MAD1L1: variants seen among roughly 807,000 people sequenced by gnomAD.
The protein encoded by MAD1L1 is mitotic spindle assembly checkpoint protein MAD1.
Under a neutral mutation model 96.9 loss-of-function variants are expected in MAD1L1, and 95 were observed. The ratio of observed to expected loss-of-function variants is 0.98; its 90% CI spans 0.83 to 1.16. The LOEUF is 1.16. Ranked by LOEUF, MAD1L1 falls within the 50% of genes most tolerant of loss-of-function variation. The pLI is 0.00. For missense variants in MAD1L1, 1,007 were observed against 954.4 expected, an observed-to-expected ratio of 1.06 and a Z score of -0.73; for synonymous variants, 473 against 396.6, an observed-to-expected ratio of 1.19 and a Z score of -2.29.
intron 17 of MAD1L1, among the ~76,000 whole-genome samples, chr7:1,930,599 T>C (rs12538635): frequency 0.99 from 124,086 of 125,396 alleles, 61,413 homozygotes; most frequent in Middle Eastern, 1. Flanking sequence ...CCCACCCCAC[T>C]GCCACGTGTC....
intron 12 of MAD1L1, among the ~76,000 whole-genome samples, chr7:2,041,265 C>CA (rs1460805327): frequency 2.6e-5 from 4 of 152,194 alleles, no homozygotes; most frequent in African/African-American, 9.7e-5. Flanking sequence ...CCCTTGGAGA[C>CA]ACACATGCCC....
chr7:2,078,416 C>T (rs978513573), intron 11 of MAD1L1, among the ~76,000 whole-genome samples: 15 of 152,198 alleles, frequency 9.9e-5, no homozygotes, highest in Non-Finnish European at 2.2e-4. Flanking sequence ...TCGTGAAGCA[C>T]GAGAGCATCA....
intron 17 of MAD1L1, among the ~76,000 whole-genome samples, chr7:1,934,071 C>A (rs974714011): frequency 2.0e-5 from 3 of 152,258 alleles, no homozygotes; most frequent in Non-Finnish European, 2.9e-5. Flanking sequence ...ACAGAGGCCA[C>A]CAACACTGTG....
intron 16 of MAD1L1, among the ~76,000 whole-genome samples, chr7:1,938,773 C>T (rs142435069): frequency 3.5e-5 from 5 of 140,920 alleles, no homozygotes; most frequent in East Asian, 2.2e-4. Context: ...CACACACGCA[C>T]GCACACAGAG....
chr7:2,176,216 C>T (rs1790940072), intron 10 of MAD1L1, among the ~76,000 whole-genome samples: 1 of 152,128 alleles, frequency 6.6e-6, no homozygotes, highest in African/African-American at 2.4e-5. Context: ...GGCATGGTGG[C>T]ACATGCCTGT....
At chr7:2,031,350 G>T (rs1237502379) in intron 12 of MAD1L1, among the ~76,000 whole-genome samples, 2 of 152,346 alleles carry the variant, frequency 1.3e-5, no homozygotes, top group South Asian at 4.1e-4. Flanking sequence ...TAGCTGTGGG[G>T]GAGGGGGAAA....
At position 2,213,525 on chromosome 7, in the gene MAD1L1, A is replaced by T. The variant is rs571471420; in HGVS notation, c.925-252T>A. Among the ~76,000 whole-genome samples, 245 of 152,302 alleles carry T rather than the reference A, an allele frequency of 1.6e-3. 2 individuals are homozygous for T. Among genetic ancestry groups the T allele is most frequent in the Non-Finnish European group, 2.6e-3 (174 of 68,030 alleles). On this transcript the variant is annotated intron_variant, in intron 9 of 18. Coordinates refer to ENST00000265854, the MANE Select transcript of MAD1L1 (RefSeq NM_001013836.2). ...GTAAATTCAAGTGTGAATCCCAGCA[A>T]GCTAAAAGCAACGTGTGGCTGTGGA...
chr7:1,850,538 T>C (rs1180500968), intron 18 of MAD1L1, among the ~76,000 whole-genome samples: 4 of 152,144 alleles, frequency 2.6e-5, no homozygotes, highest in Non-Finnish European at 5.9e-5. Context: ...GGGCAGATGA[T>C]CTCACTGCCC....
chr7:1,995,704 C>G (rs1879846), intron 14 of MAD1L1, among the ~76,000 whole-genome samples: 149,770 of 152,298 alleles, frequency 0.98, 73,687 homozygotes, highest in Non-Finnish European at 1. Context: ...TGCACACCAG[C>G]GCGCGCGGGG....
intron 14 of MAD1L1, 98 bp downstream of exon 14, chr7:2,001,967 C>T: frequency 3.9e-6 from 5 of 1,293,664 alleles, no homozygotes; most frequent in Middle Eastern, 1.8e-4. Context: ...CAGCCATGCA[C>T]TGGCGCCTGC....
At chr7:1,816,497 G>A (rs1381614474) in intron 18 of MAD1L1, among the ~76,000 whole-genome samples, 1 of 152,152 alleles carries the variant, frequency 6.6e-6, no homozygotes, top group African/African-American at 2.4e-5. Flanking sequence ...CCCACCCAAG[G>A]GGCTGCCACC....
intron 11 of MAD1L1, among the ~76,000 whole-genome samples, chr7:2,135,969 T>A (rs546917124): frequency 6.6e-6 from 1 of 152,318 alleles, no homozygotes; most frequent in Non-Finnish European, 1.5e-5. Context: ...CCTAAGGGAT[T>A]CACTGCTGGT....
intron 12 of MAD1L1, among the ~76,000 whole-genome samples, chr7:2,054,037 G>A (rs1057412309): frequency 3.9e-5 from 6 of 152,202 alleles, no homozygotes; most frequent in African/African-American, 1.2e-4. Flanking sequence ...CCGGGTGCCC[G>A]CAGACAGGGC....
chr7:1,880,386 G>C (rs557460993), intron 18 of MAD1L1, among the ~76,000 whole-genome samples: 1 of 152,238 alleles, frequency 6.6e-6, no homozygotes, highest in East Asian at 1.9e-4. Flanking sequence ...AGAGGAGCTG[G>C]GGAGCTGCTA....
chr7:2,218,391 G>A (rs1425455186), intron 6 of MAD1L1, among the ~76,000 whole-genome samples: 1 of 152,322 alleles, frequency 6.6e-6, no homozygotes, highest in East Asian at 1.9e-4. Context: ...AGCTGCGGTA[G>A]GGCCCCACCC....
At position 1,983,734 on chromosome 7, in the gene MAD1L1, GCCTGA is replaced by G. The variant is rs1382695649; in HGVS notation, c.1417-3198_1417-3194del. Among the ~76,000 whole-genome samples the G allele has an allele frequency of 8.5e-5, 13 of 152,300 alleles. No homozygotes were observed. The East Asian group carries it at 1.3e-3, about 16-fold the overall frequency. On this transcript the variant is annotated intron_variant, in intron 14 of 18. Transcript: ENST00000265854. ...GATCAGGACACAGAATTCTCAGCAC[GCCTGA>G]AAGCTCTCGCATGCTCCTGCTCAGT...
chr7:2,006,433 G>C (rs1259649002), intron 13 of MAD1L1, among the ~76,000 whole-genome samples: 1 of 152,164 alleles, frequency 6.6e-6, no homozygotes, highest in Non-Finnish European at 1.5e-5. Flanking sequence ...GCTCACAGCA[G>C]AGTCCCAGCA....
At chr7:2,079,590 C>T (rs1212870057) in intron 11 of MAD1L1, 2 of 469,416 alleles carry the variant, frequency 4.3e-6, no homozygotes, top group East Asian at 1.4e-4. Flanking sequence ...GGCCACACGG[C>T]AAATACTCTC....
At chr7:2,064,918 G>T (rs568073604) in intron 12 of MAD1L1, among the ~76,000 whole-genome samples, 19 of 152,286 alleles carry the variant, frequency 1.2e-4, no homozygotes, top group Admixed American at 1.0e-3. Flanking sequence ...GAGGACAGAG[G>T]CTTCTTCCAG....
Sources: allele counts gnomAD v4.1 joint callset (sites outside exome capture counted in the v4.1 genomes callset), GRCh38; gene constraint gnomAD v4.1.1; transcripts MANE v1.5; gene names NCBI Gene and HGNC (gene_info 2026-07-23, HGNC 2026-07-21).